The following CLIC6 variants were observed in gnomAD, a reference collection of about 807,000 sequenced individuals.
CLIC6 encodes chloride intracellular channel protein 6.
In CLIC6, 39 loss-of-function variants were observed where a neutral mutation model predicts 49.2. The ratio of observed to expected loss-of-function variants is 0.79; its 90% CI spans 0.61 to 1.04. The LOEUF (loss-of-function observed/expected upper bound fraction) is 1.04, where lower values mean the gene tolerates loss of function less well. Ranked by LOEUF, CLIC6 falls within the 50% of genes least tolerant of loss-of-function variation. The pLI is 0.00. For missense variants in CLIC6, 988 were observed against 993.1 expected (o/e 0.99, Z 0.07); for synonymous variants, 446 against 433.4 (o/e 1.03, Z -0.36).
chr21:34,701,984 G>T (rs771639236), intron 1 of CLIC6, among the ~76,000 whole-genome samples: 1 of 149,640 alleles, frequency 6.7e-6, no homozygotes, highest in Non-Finnish European at 1.5e-5. Context: ...TCTTAGTAGT[G>T]AGAATTTGTG....
rs977885878 is a variant in CLIC6 at position 34,713,145 on chromosome 21, G to C, written c.1900-3176G>C. Among the ~76,000 whole-genome samples the C allele has an allele frequency of 2.0e-5, 3 of 152,200 alleles. No homozygotes were observed. The South Asian group carries it at 6.2e-4, about 31-fold the overall frequency. ...GTAGACAGAGTTGATTGAAAAGAAG[G>C]GGGTGGGGGGAGGAATGATAAAGAC... On this transcript the variant is annotated intron_variant, in intron 5 of 5. Transcript: ENST00000349499.
At position 34,686,342 on chromosome 21, in the gene CLIC6, T is replaced by C. The variant is rs145685811; in HGVS notation, c.1374+15580T>C. The stretch of plus-strand genomic sequence containing the variant: ...CTTGAACTCAAGAGGCAGAGGTTGC[T>C]GTGAGCTGAGATCACGCCACTGCGC... On this transcript the variant is annotated intron_variant, in intron 1 of 5. Transcript: ENST00000349499. Among the ~76,000 whole-genome samples, 305 of 152,250 alleles carry C rather than the reference T, an allele frequency of 2.0e-3. 1 individual carries two copies. Among genetic ancestry groups the C allele is most frequent in the African/African-American group, 7.1e-3 (293 of 41,554 alleles).
intron 1 of CLIC6, among the ~76,000 whole-genome samples, chr21:34,703,744 G>A (rs1430280576): frequency 6.6e-6 from 1 of 152,168 alleles, no homozygotes; most frequent in East Asian, 1.9e-4. Context: ...GGGGAGCCCT[G>A]AGACAGGGAG....
intron 1 of CLIC6, among the ~76,000 whole-genome samples, chr21:34,691,943 C>G (rs906556697): frequency 3.3e-5 from 5 of 152,160 alleles, no homozygotes; most frequent in Admixed American, 6.5e-5. Flanking sequence ...TCCAAATCTT[C>G]TTAGTATTTT....
At chr21:34,700,175 T>G (rs1255051094) in intron 1 of CLIC6, among the ~76,000 whole-genome samples, 1 of 152,120 alleles carries the variant, frequency 6.6e-6, no homozygotes, top group Non-Finnish European at 1.5e-5. Flanking sequence ...CAGCTTGATT[T>G]TATAGGCTGC....
chr21:34,691,231 A>C (rs1989987111), intron 1 of CLIC6, among the ~76,000 whole-genome samples: 1 of 152,208 alleles, frequency 6.6e-6, no homozygotes, highest in Admixed American at 6.5e-5. Context: ...AGATTCAGAG[A>C]CTACAAGGAA....
At chr21:34,715,301 AG>A (rs1344210051) in intron 5 of CLIC6, among the ~76,000 whole-genome samples, 1 of 152,198 alleles carries the variant, frequency 6.6e-6, no homozygotes, top group African/African-American at 2.4e-5. Flanking sequence ...GGATCTTTGC[AG>A]ATGTAATTAG....
chr21:34,685,007 G>A (rs909781542), intron 1 of CLIC6, among the ~76,000 whole-genome samples: 8 of 152,274 alleles, frequency 5.3e-5, no homozygotes, highest in African/African-American at 1.9e-4. Context: ...CCTAGATTTT[G>A]CCTTCCAGCT....
At chr21:34,711,392 T>A (rs1204771825) in intron 5 of CLIC6, among the ~76,000 whole-genome samples, 1 of 151,624 alleles carries the variant, frequency 6.6e-6, no homozygotes, top group Admixed American at 6.6e-5. Context: ...ATTAGCTAGG[T>A]GTGGTGGTGT....
intron 5 of CLIC6, among the ~76,000 whole-genome samples, chr21:34,712,426 CAT>C (rs932495761): frequency 2.6e-5 from 4 of 152,182 alleles, no homozygotes; most frequent in African/African-American, 9.7e-5. Context: ...AGAACCATTA[CAT>C]GTTTCTCCGT....
At chr21:34,692,688 T>C (rs1990018245) in intron 1 of CLIC6, among the ~76,000 whole-genome samples, 2 of 152,216 alleles carry the variant, frequency 1.3e-5, no homozygotes, top group African/African-American at 4.8e-5. Flanking sequence ...GACCTGAGTA[T>C]GTTTGAAGGA....
At chr21:34,690,918 C>A (rs571614824) in intron 1 of CLIC6, among the ~76,000 whole-genome samples, 1 of 151,164 alleles carries the variant, frequency 6.6e-6, no homozygotes, top group Admixed American at 6.6e-5. Flanking sequence ...ATAATAAAGC[C>A]CAGACTTGGC....
In CLIC6 at chr21:34,717,122, A is replaced by T. The variant is rs538348744; in HGVS notation, c.*640A>T. On this transcript the variant is annotated 3_prime_UTR_variant, in exon 6 of 6. Coordinates refer to ENST00000349499, the MANE Select transcript of CLIC6 (RefSeq NM_053277.3). Reference sequence around the variant, plus strand: ...CAGCAGGAACCGGAAGCCCTGGGTCACCCCCACTCTGCCTCATTTCTGCCT... The same window carrying T: ...CAGCAGGAACCGGAAGCCCTGGGTCTCCCCCACTCTGCCTCATTTCTGCCT... 1 of 151,992 alleles carries T rather than the reference A, an allele frequency of 6.6e-6. No individual in the cohort carries two copies. The highest frequency in any genetic ancestry group is 1.9e-4 in the East Asian group (1 of 5,160). The allele number at this position is 151,992 out of a possible 1,614,324, so 9.4% of individuals were successfully genotyped here. A position where few individuals can be genotyped will look rare whatever the true frequency, so the allele number is the denominator to read the frequency against.
chr21:34,707,401 C>A lies in CLIC6; in HGVS notation c.1484+12C>A. The A allele has an allele frequency of 6.7e-7, 1 of 1,488,578 alleles. No homozygotes were observed. Among genetic ancestry groups the A allele is most frequent in the Non-Finnish European group, 9.4e-7 (1 of 1,069,094 alleles). The allele number at this position is 1,488,578 out of a possible 1,614,324, so 92.2% of individuals were successfully genotyped here. A position where few individuals can be genotyped will look rare whatever the true frequency, so the allele number is the denominator to read the frequency against. On this transcript the variant is annotated intron_variant, in intron 2 of 5. Transcript: ENST00000349499. ...GTGGACCTGAAAAGGTAAGACAAGG[C>A]GTCTGCCTTACTGAAATAACTGTAC... is the stretch of plus-strand genomic sequence containing the variant.
rs557961265 is a variant in CLIC6, at chr21:34,708,713, G to A, written c.1624G>A (p.Gly542Arg). ...KLAPPRYPKLGTQHPESNSAG... is the reference protein window; with the variant it reads ...KLAPPRYPKLRTQHPESNSAG... ...GAACTTTTCAAGGTATCCCAAGCTG[G>A]GGACCCAACATCCCGAATCTAATTC... is the stretch of plus-strand genomic sequence containing the variant. Residue 542 changes from glycine to arginine, a missense_variant, in exon 4 of 6, where the codon GGG becomes AGG. Transcript: ENST00000349499. 2 of 1,613,756 alleles carry A rather than the reference G, an allele frequency of 1.2e-6. No individual in the cohort carries two copies. Among genetic ancestry groups the A allele is most frequent in the African/African-American group, 1.3e-5 (1 of 74,896 alleles).
At chr21:34,675,245 G>T (rs914534501) in intron 1 of CLIC6, among the ~76,000 whole-genome samples, 16 of 116,724 alleles carry the variant, frequency 1.4e-4, no homozygotes, top group Non-Finnish European at 2.3e-4. Context: ...ATGAGCCCCC[G>T]CCCCTCCAAA....
intron 1 of CLIC6, among the ~76,000 whole-genome samples, chr21:34,671,140 A>G (rs1241922642): frequency 5.4e-4 from 47 of 86,844 alleles, no homozygotes; most frequent in South Asian, 1.2e-3. Context: ...AAAAAAAAAA[A>G]AAGAAGAAGA....
chr21:34,714,281 A>C (rs1309568990), intron 5 of CLIC6, among the ~76,000 whole-genome samples: 1 of 152,260 alleles, frequency 6.6e-6, no homozygotes, highest in Non-Finnish European at 1.5e-5. Flanking sequence ...AATATAATAA[A>C]CTATGTCATT....
intron 1 of CLIC6, among the ~76,000 whole-genome samples, chr21:34,688,711 C>T (rs1985508465): frequency 6.6e-6 from 1 of 152,148 alleles, no homozygotes. Flanking sequence ...AGGGAGACAG[C>T]TGAGCGGACC....
Sources: allele counts gnomAD v4.1 joint callset (sites outside exome capture counted in the v4.1 genomes callset), GRCh38; gene constraint gnomAD v4.1.1; transcripts MANE v1.5; gene names NCBI Gene and HGNC (gene_info 2026-07-23, HGNC 2026-07-21).